The following CDH11 variants were observed in gnomAD, a reference collection of about 807,000 sequenced individuals.
CDH11 encodes the protein cadherin-11.
Under a neutral mutation model 67.8 loss-of-function variants are expected in CDH11, and 11 were observed. The observed-to-expected ratio is 0.16, with a 90% CI of 0.10 to 0.27. CDH11 has a LOEUF of 0.27. Among genes scored for constraint, CDH11 ranks in the 10% least tolerant of loss-of-function variants. The pLI is 1.00. For synonymous variants in CDH11, 419 were observed against 400.0 expected, an observed-to-expected ratio of 1.05 and a Z score of -0.57; for missense variants, 847 against 1,031.2, an observed-to-expected ratio of 0.82 and a Z score of 2.45.
intron 1 of CDH11, among the ~76,000 whole-genome samples, chr16:65,064,067 A>C (rs986365365): frequency 1.3e-5 from 2 of 152,194 alleles, no homozygotes; most frequent in African/African-American, 4.8e-5. Context: ...CTTGGCGGCC[A>C]GGGAGGGGTC....
At chr16:64,984,900 T>C (rs963865043) in intron 7 of CDH11, 4 of 152,078 alleles carry the variant, frequency 2.6e-5, no homozygotes, top group African/African-American at 4.8e-5. Flanking sequence ...ACAAAGAATA[T>C]AAAGAAAAAT....
intron 8 of CDH11, among the ~76,000 whole-genome samples, chr16:64,973,715 G>A (rs2072077169): frequency 6.6e-6 from 1 of 152,040 alleles, no homozygotes; most frequent in Non-Finnish European, 1.5e-5. Context: ...GCTGAGGCAT[G>A]AGAATCATTG....
intron 2 of CDH11, among the ~76,000 whole-genome samples, chr16:65,049,969 A>T (rs560931062): frequency 3.7e-4 from 56 of 152,290 alleles, no homozygotes; most frequent in African/African-American, 1.3e-3. Flanking sequence ...TGGGTTCTGC[A>T]GCACAGGTGA....
intron 1 of CDH11, among the ~76,000 whole-genome samples, chr16:65,106,128 T>G (rs148126036): frequency 0.012 from 1,854 of 152,282 alleles, 16 homozygotes; most frequent in Non-Finnish European, 0.018. Flanking sequence ...GTCAAGTCAG[T>G]GTGACCGAAA....
At chr16:65,119,339 A>T (rs2075288871) in intron 1 of CDH11, among the ~76,000 whole-genome samples, 1 of 152,120 alleles carries the variant, frequency 6.6e-6, no homozygotes, top group Admixed American at 6.5e-5. Flanking sequence ...CAGAGGGAAC[A>T]TGAGTTCTAA....
At chr16:64,980,320 CA>C (rs2072299203) in intron 8 of CDH11, among the ~76,000 whole-genome samples, 1 of 152,098 alleles carries the variant, frequency 6.6e-6, no homozygotes, top group Admixed American at 6.5e-5. Context: ...TATAGTTTGC[CA>C]AGGCCTAAAC....
intron 2 of CDH11, among the ~76,000 whole-genome samples, chr16:65,010,933 A>T (rs1326187708): frequency 6.8e-6 from 1 of 147,450 alleles, no homozygotes; most frequent in African/African-American, 2.5e-5. Context: ...TTTCACCACA[A>T]CTGCATATAT....
intron 11 of CDH11, among the ~76,000 whole-genome samples, chr16:64,951,424 T>C (rs563647440): frequency 3.3e-5 from 5 of 152,090 alleles, no homozygotes; most frequent in Admixed American, 6.5e-5. Flanking sequence ...TCTGCCTGCA[T>C]AGTGGACGAT....
chr16:65,065,870 G>C (rs1392736546), intron 1 of CDH11, among the ~76,000 whole-genome samples: 1 of 152,188 alleles, frequency 6.6e-6, no homozygotes, highest in African/African-American at 2.4e-5. Flanking sequence ...TTTAACAATA[G>C]CCAAGCCTGC....
At chr16:65,014,332 T>G (rs2073250477) in intron 2 of CDH11, among the ~76,000 whole-genome samples, 1 of 152,170 alleles carries the variant, frequency 6.6e-6, no homozygotes, top group Admixed American at 6.5e-5. Context: ...AAAAAATCAG[T>G]GAACTTAATT....
At chr16:64,950,674 CT>C in intron 12 of CDH11, 92 bp downstream of exon 12, 1 of 1,470,824 alleles carries the variant, frequency 6.8e-7, no homozygotes, top group South Asian at 1.3e-5. Context: ...TAACAGGGTC[CT>C]GGTTACCAGC....
intron 11 of CDH11, among the ~76,000 whole-genome samples, chr16:64,951,977 T>C (rs2071375360): frequency 6.6e-6 from 1 of 152,110 alleles, no homozygotes; most frequent in Non-Finnish European, 1.5e-5. Context: ...GATCAGATAT[T>C]ATTTCCCTAA....
Position 64,982,116 on chromosome 16 carries a change from A to G in CDH11, c.1185T>C (p.Asn395=), listed in dbSNP as rs780807590. 4 of 1,614,020 alleles carry G rather than the reference A, an allele frequency of 2.5e-6. No individual in the cohort carries two copies. The highest frequency in any genetic ancestry group is 3.4e-6 in the Non-Finnish European group (4 of 1,179,980). ...TCCCAACCACGGTGCCAGCAGCTGC[A>G]TTTTCTTGGACTTCGTGGATGTAAC... ...APSYIHEVQE[N]AAAGTVVGRV... The change falls in exon 8 of 13, where the codon AAT becomes AAC. Residue 395 remains asparagine (N), a synonymous_variant. Coordinates refer to ENST00000268603, the MANE Select transcript of CDH11 (RefSeq NM_001797.4).
At chr16:65,086,567 T>C (rs571535512) in intron 1 of CDH11, among the ~76,000 whole-genome samples, 13 of 152,188 alleles carry the variant, frequency 8.5e-5, no homozygotes, top group Non-Finnish European at 1.6e-4. Context: ...CAGAATGAGA[T>C]AGCATGGGTG....
chr16:65,113,555 C>T (rs779751407), intron 1 of CDH11, among the ~76,000 whole-genome samples: 4 of 152,052 alleles, frequency 2.6e-5, no homozygotes, highest in African/African-American at 7.2e-5. Context: ...AGTAGTGGTT[C>T]GAAGTGGTTA....
At chr16:64,982,945 C>A (rs1237387885) in intron 7 of CDH11, 1 of 152,212 alleles carries the variant, frequency 6.6e-6, no homozygotes, top group African/African-American at 2.4e-5. Context: ...AAATCCTTGA[C>A]ACACCAAGTA....
intron 1 of CDH11, among the ~76,000 whole-genome samples, chr16:65,079,094 A>C (rs1211021273): frequency 6.6e-6 from 1 of 152,202 alleles, no homozygotes; most frequent in African/African-American, 2.4e-5. Context: ...CCATTCAGGA[A>C]GAAACTATTG....
chr16:64,972,805 A>G (rs2072044883), intron 9 of CDH11, 99 bp downstream of exon 9: 2 of 1,292,094 alleles, frequency 1.5e-6, no homozygotes, highest in African/African-American at 1.5e-5. Context: ...TTAAGACCAA[A>G]AAAGTTAGTC....
At chr16:64,948,577 T>C in intron 12 of CDH11, 1 of 1,502,450 alleles carries the variant, frequency 6.7e-7, no homozygotes, top group Non-Finnish European at 9.2e-7. Context: ...GAAAGAGTAT[T>C]GGTCCTATAC....
Sources: gnomAD v4.1 joint callset for allele counts (sites outside exome capture counted in the v4.1 genomes callset) on GRCh38, gnomAD v4.1.1 for gene constraint, MANE v1.5 for transcripts, NCBI Gene and HGNC (gene_info 2026-07-23, HGNC 2026-07-21) for gene names.